CEP85L: variants seen among roughly 807,000 people sequenced by gnomAD.
CEP85L encodes the protein centrosomal protein of 85 kDa-like.
CEP85L carries 60 observed loss-of-function variants against 100.3 expected under a neutral mutation model. That is an observed-to-expected ratio of 0.60 (90% CI 0.49 to 0.74). CEP85L has a LOEUF of 0.74. CEP85L is among the 30% of genes least tolerant of loss of function. The pLI, the probability that CEP85L is intolerant of heterozygous loss-of-function variation, is 0.00. For missense variants in CEP85L, 973 were observed against 936.2 expected (o/e 1.04, Z -0.51); for synonymous variants, 319 against 322.7 (o/e 0.99, Z 0.12).
rs1226622251 is a variant in CEP85L at position 118,469,195 on chromosome 6, C to T, written c.2131G>A (p.Val711Met). 6.2e-7 allele frequency: 1 copy of T among 1,614,058 alleles called. No individual in the cohort carries two copies. The highest frequency in any genetic ancestry group is 1.3e-5 in the African/African-American group (1 of 75,042). The stretch of plus-strand genomic sequence containing the variant: ...ATTTCCTTGAACAGCTGATCAATCA[C>T]AGTCAAATCAAATAGTGGCCGTTTG... ...LSKRPLFDLT[V>M]IDQLFKEMSC... Residue 711 changes from valine to methionine, a missense_variant, in exon 12 of 13, where the codon GTG becomes ATG. Around this residue, in one of 3 missense-constraint regions of CEP85L, gnomAD observed 890 missense variants for 844.5 expected, o/e 1.05. Coordinates refer to ENST00000368491, the MANE Select transcript of CEP85L (RefSeq NM_001042475.3).
rs376989735 is a variant in CEP85L at position 118,565,894 on chromosome 6, T to A, written c.655A>T (p.Asn219Tyr). The A allele has an allele frequency of 1.9e-6, 3 of 1,614,040 alleles. No individual in the cohort carries two copies. In the African/African-American group the frequency reaches 4.0e-5, roughly 22 times the overall value. The change falls in exon 3 of 13, where the codon AAT becomes TAT. Residue 219 changes from asparagine (N) to tyrosine (Y), a missense_variant. Coordinates refer to ENST00000368491, the MANE Select transcript of CEP85L (RefSeq NM_001042475.3). ...EMLRLEDKEI[N>Y]KKRSSTLDCK... is the part of the protein sequence containing the mutation. ...TCCAGAGTTGATGACCGTTTTTTATTTATTTCCTTGTCCTCTAACCTAAGC... is the reference window on the plus strand; with the variant it reads ...TCCAGAGTTGATGACCGTTTTTTATATATTTCCTTGTCCTCTAACCTAAGC...
intron 1 of CEP85L, among the ~76,000 whole-genome samples, chr6:118,673,002 A>C (rs955211655): frequency 6.6e-6 from 1 of 152,128 alleles, no homozygotes; most frequent in African/African-American, 2.4e-5. Context: ...AATGATGAAG[A>C]AAGATGAGGG....
chr6:118,474,760 G>A (rs779759642), intron 10 of CEP85L, among the ~76,000 whole-genome samples: 1 of 152,148 alleles, frequency 6.6e-6, no homozygotes, highest in Non-Finnish European at 1.5e-5. Context: ...TCTCTCTATA[G>A]GAATTCACTT....
At chr6:118,633,287 C>T (rs972264714) in intron 1 of CEP85L, among the ~76,000 whole-genome samples, 3 of 151,062 alleles carry the variant, frequency 2.0e-5, no homozygotes, top group Admixed American at 6.6e-5. Context: ...TCACTGTAAG[C>T]GCTGCCTCCC....
chr6:118,694,175 C>T lies in CEP85L; in HGVS notation c.-28+15861G>A, dbSNP rs150239948. Among the ~76,000 whole-genome samples the T allele has an allele frequency of 1.1e-4, 16 of 152,298 alleles. No homozygotes were observed. The East Asian group carries it at 3.1e-3, about 29-fold the overall frequency. On this transcript the variant is annotated intron_variant, in intron 1 of 13. Coordinates refer to the CEP85L transcript ENST00000368488. ...GATATATCCAAAACAGCAAAAAACA[C>T]ATTCAACTCCTCTCCCAAGAGAAAC...
At chr6:118,550,700 A>G (rs1359832431) in intron 3 of CEP85L, among the ~76,000 whole-genome samples, 1 of 151,942 alleles carries the variant, frequency 6.6e-6, no homozygotes, top group Admixed American at 6.6e-5. Context: ...ACTGATCAGC[A>G]TGGCTTAAAG....
intron 1 of CEP85L, among the ~76,000 whole-genome samples, chr6:118,696,226 CT>C (rs1360568268): frequency 3.9e-5 from 6 of 151,970 alleles, no homozygotes; most frequent in East Asian, 3.9e-4. Flanking sequence ...GATCACACCA[CT>C]GCACTCCAGC....
At chr6:118,614,192 C>T (rs915336582) in intron 2 of CEP85L, among the ~76,000 whole-genome samples, 5 of 151,996 alleles carry the variant, frequency 3.3e-5, no homozygotes, top group Non-Finnish European at 7.4e-5. Flanking sequence ...TGATAAAAAC[C>T]CTCTGCAAAC....
chr6:118,696,798 C>G (rs1777228018), intron 1 of CEP85L, among the ~76,000 whole-genome samples: 1 of 152,096 alleles, frequency 6.6e-6, no homozygotes, highest in Non-Finnish European at 1.5e-5. Context: ...TTAAAACGTT[C>G]TAAGATAGGG....
chr6:118,644,923 A>G lies in CEP85L; in HGVS notation c.73+6274T>C, dbSNP rs75967941. ...CTGATTGTAAACACCTAGGACAAGG[A>G]ATATCTGTTCCATGTCCCCAATACA... On this transcript the variant is annotated intron_variant, in intron 1 of 12. Transcript: ENST00000368491. Among the ~76,000 whole-genome samples the G allele has an allele frequency of 8.1e-3, 1,230 of 152,330 alleles. 13 individuals are homozygous for G. Among genetic ancestry groups the G allele is most frequent in the African/African-American group, 0.028 (1,170 of 41,570 alleles).
At chr6:118,558,877 T>C (rs1342234971) in intron 3 of CEP85L, 1 of 1,524,308 alleles carries the variant, frequency 6.6e-7, no homozygotes, top group African/African-American at 1.4e-5. Flanking sequence ...TTTTTATCTT[T>C]CTCTCGACCA....
chr6:118,541,699 A>G (rs1259247781), intron 3 of CEP85L, among the ~76,000 whole-genome samples: 1 of 152,178 alleles, frequency 6.6e-6, no homozygotes, highest in Non-Finnish European at 1.5e-5. Flanking sequence ...AAAAGCTCAG[A>G]TCTACATTAA....
At chr6:118,703,370 T>C (rs1471813095) in intron 1 of CEP85L, among the ~76,000 whole-genome samples, 1 of 152,220 alleles carries the variant, frequency 6.6e-6, no homozygotes, top group Non-Finnish European at 1.5e-5. Flanking sequence ...ATTTGAAGTG[T>C]GTTGTTATTC....
chr6:118,465,343 T>C lies in CEP85L; in HGVS notation c.*62A>G, dbSNP rs908143642. ...TCATGTCACTTGCAACCTTCCATTA[T>C]GGCTCCATAACACAGCAGCATTTAA... On this transcript the variant is annotated 3_prime_UTR_variant, in exon 13 of 13. Transcript: ENST00000368491. The C allele has an allele frequency of 2.0e-6, 3 of 1,485,082 alleles. No homozygotes were observed. Among genetic ancestry groups the C allele is most frequent in the South Asian group, 2.7e-5 (2 of 74,484 alleles). The allele number at this position is 1,485,082 out of a possible 1,614,324, so 92.0% of individuals were successfully genotyped here.
intron 2 of CEP85L, among the ~76,000 whole-genome samples, chr6:118,579,376 A>AC (rs199700925): frequency 0.011 from 1,658 of 152,124 alleles, 42 homozygotes; most frequent in African/African-American, 0.038. Context: ...AAAAAAAAAA[A>AC]AACAGTGACT....
rs145922924 is a variant in CEP85L, at chr6:118,502,758, A to C, written c.1257+8540T>G. Reference sequence around the variant, plus strand: ...ATGCATCTTGCTGAACAGGTGACCAATAATCTTAAAGAACTTGTACAACAA... The same window carrying C: ...ATGCATCTTGCTGAACAGGTGACCACTAATCTTAAAGAACTTGTACAACAA... On this transcript the variant is annotated intron_variant, in intron 5 of 12. Coordinates refer to ENST00000368491, the MANE Select transcript of CEP85L (RefSeq NM_001042475.3). The C allele has an allele frequency of 2.7e-4, 151 of 569,036 alleles. 1 individual carries two copies. The highest frequency in any genetic ancestry group is 2.6e-3 in the Middle Eastern group (5 of 1,932). 35.2% of individuals were successfully genotyped at this position (569,036 alleles called of 1,614,324 possible). A position where few individuals can be genotyped will look rare whatever the true frequency, so the allele number is the denominator to read the frequency against.
chr6:118,651,081 G>C (rs1775521746), intron 1 of CEP85L, 116 bp downstream of exon 1: 2 of 1,354,754 alleles, frequency 1.5e-6, no homozygotes, highest in Non-Finnish European at 1.9e-6. Flanking sequence ...CGGCGGCGTC[G>C]GGGAGGCGGC....
At chr6:118,521,140 A>C (rs1162204551) in intron 4 of CEP85L, among the ~76,000 whole-genome samples, 1 of 152,168 alleles carries the variant, frequency 6.6e-6, no homozygotes, top group African/African-American at 2.4e-5. Flanking sequence ...CCCAAACTAA[A>C]AAGTTCGGCA....
intron 2 of CEP85L, among the ~76,000 whole-genome samples, chr6:118,607,515 T>C (rs935339471): frequency 2.0e-5 from 3 of 152,162 alleles, no homozygotes; most frequent in Non-Finnish European, 4.4e-5. Context: ...CCCACAGCCA[T>C]AGCAAAGAGT....
Sources: gnomAD v4.1 joint callset for allele counts (sites outside exome capture counted in the v4.1 genomes callset) on GRCh38, gnomAD v4.1.1 for gene constraint, gnomAD v4.1.1 regional missense constraint, MANE v1.5 for transcripts, NCBI Gene and HGNC (gene_info 2026-07-23, HGNC 2026-07-21) for gene names.